Variants in FBXL2 observed in about 807,000 individuals in gnomAD.
The protein encoded by FBXL2 is F-box and leucine rich repeat protein 2.
In FBXL2, 38 loss-of-function variants were observed where a neutral mutation model predicts 69.2. The ratio of observed to expected loss-of-function variants is 0.55; its 90% CI spans 0.42 to 0.72. The LOEUF (loss-of-function observed/expected upper bound fraction) is 0.72, where lower values mean the gene tolerates loss of function less well. FBXL2 is among the 30% of genes least tolerant of loss of function. The pLI is 0.00. For synonymous variants in FBXL2, 192 were observed against 201.3 expected, an observed-to-expected ratio of 0.95 and a Z score of 0.39; for missense variants, 354 against 520.3, an observed-to-expected ratio of 0.68 and a Z score of 3.11.
At chr3:33,292,987 T>C (rs75266871) in intron 1 of FBXL2, among the ~76,000 whole-genome samples, 15,113 of 152,228 alleles carry the variant, frequency 0.099, 776 homozygotes, top group African/African-American at 0.12. Context: ...CACAAATATA[T>C]GCAGCAAAGT....
downstream of FBXL2, chr3:33,389,525 T>C (rs112244619): frequency 0.014 from 2,124 of 150,954 alleles, 20 homozygotes; most frequent in South Asian, 0.027. Context: ...GGGAAGAAAA[T>C]GAGAGAAAAA....
intron 5 of FBXL2, among the ~76,000 whole-genome samples, chr3:33,368,444 G>T (rs565749541): frequency 6.6e-6 from 1 of 152,166 alleles, no homozygotes; most frequent in Non-Finnish European, 1.5e-5. Flanking sequence ...TTTTATTCCT[G>T]ATAGTTTTCT....
chr3:33,374,058 A>G, intron 9 of FBXL2, 137 bp downstream of exon 9: 1 of 705,862 alleles, frequency 1.4e-6, no homozygotes, highest in East Asian at 2.6e-5. Context: ...CTGTGTCCTT[A>G]TATAACCTAC....
chr3:33,292,665 T>C (rs1332805348), intron 1 of FBXL2, among the ~76,000 whole-genome samples: 1 of 152,122 alleles, frequency 6.6e-6, no homozygotes, highest in African/African-American at 2.4e-5. Context: ...TCCCTCCTTA[T>C]TAGTAATTAC....
chr3:33,311,768 G>A (rs10212463), intron 2 of FBXL2, among the ~76,000 whole-genome samples: 1,825 of 152,072 alleles, frequency 0.012, 32 homozygotes, highest in African/African-American at 0.042. Flanking sequence ...GGGACTACAG[G>A]CGCATGCCAC....
At chr3:33,325,744 A>G (rs1379928822) in intron 2 of FBXL2, among the ~76,000 whole-genome samples, 1 of 152,224 alleles carries the variant, frequency 6.6e-6, no homozygotes, top group East Asian at 1.9e-4. Context: ...AAATTTAATC[A>G]GAAGTTAATT....
chr3:33,335,175 A>G (rs2039482059), intron 2 of FBXL2, among the ~76,000 whole-genome samples: 2 of 151,998 alleles, frequency 1.3e-5, no homozygotes, highest in African/African-American at 4.8e-5. Flanking sequence ...AATTATATAT[A>G]TATTCAAAAT....
intron 5 of FBXL2, among the ~76,000 whole-genome samples, chr3:33,371,555 T>C (rs1385253813): frequency 6.6e-6 from 1 of 152,150 alleles, no homozygotes; most frequent in East Asian, 1.9e-4. Flanking sequence ...TTCATAGAAA[T>C]ATATTCTAGG....
intron 13 of FBXL2, among the ~76,000 whole-genome samples, chr3:33,381,103 G>A (rs1388595481): frequency 4.6e-5 from 7 of 152,106 alleles, no homozygotes; most frequent in Non-Finnish European, 1.0e-4. Context: ...AACAGGTCAA[G>A]CACCCTCTGA....
intron 2 of FBXL2, among the ~76,000 whole-genome samples, chr3:33,341,272 A>G (rs1336522997): frequency 1.3e-5 from 2 of 152,208 alleles, no homozygotes; most frequent in East Asian, 1.9e-4. Context: ...CAACATTAAC[A>G]TGGGTACAAT....
At chr3:33,420,110 C>T in the FBXL2 span, among the ~76,000 whole-genome samples, 6 of 152,294 alleles carry the variant, frequency 3.9e-5, 1 homozygote, top group African/African-American at 1.4e-4. Context: ...CAAGATGTGA[C>T]AGCCCCCACT....
chr3:33,411,733 C>T, the FBXL2 span: 15 of 1,458,276 alleles, frequency 1.0e-5, no homozygotes, highest in Non-Finnish European at 1.3e-5. Flanking sequence ...CTTTAAATAA[C>T]TTAAAAAACT....
chr3:33,410,062 C>T, the FBXL2 span, among the ~76,000 whole-genome samples: 1 of 152,200 alleles, frequency 6.6e-6, no homozygotes, highest in Admixed American at 6.5e-5. Flanking sequence ...GCTGTTCCTA[C>T]AGATGCCAAT....
At chr3:33,399,627 T>C (rs1249889942) in intron 12 of FBXL2, among the ~76,000 whole-genome samples, 2 of 152,174 alleles carry the variant, frequency 1.3e-5, no homozygotes, top group Non-Finnish European at 2.9e-5. Context: ...TGTAAAGTGG[T>C]TGCCAAGGAC....
At position 33,340,395 on chromosome 3, in the gene FBXL2, T is replaced by C. The variant is rs536029632; in HGVS notation, c.66-18572T>C. ...ATATTATGGTCTTGAAATATTATTT[T>C]CCACAAAAAGAAACCAGGGCTTGGA... is the stretch of plus-strand genomic sequence containing the variant. On this transcript the variant is annotated intron_variant, in intron 2 of 14. Coordinates refer to ENST00000484457, the MANE Select transcript of FBXL2 (RefSeq NM_012157.5). Among the ~76,000 whole-genome samples, 6 of 151,962 alleles carry C rather than the reference T, an allele frequency of 3.9e-5. No homozygotes were observed. The South Asian group carries it at 1.3e-3, about 32-fold the overall frequency.
At chr3:33,419,571 T>C in the FBXL2 span, among the ~76,000 whole-genome samples, 1 of 145,980 alleles carries the variant, frequency 6.9e-6, no homozygotes. Flanking sequence ...GAGGTTGCGG[T>C]GAGCCGAGAT....
At chr3:33,373,555 G>C (rs368811053) in intron 7 of FBXL2, 23 bp from the exon 8 acceptor site, 7 of 1,613,982 alleles carry the variant, frequency 4.3e-6, no homozygotes, top group Non-Finnish European at 2.5e-6. Flanking sequence ...CTGCACATAA[G>C]TTTTTGTTTC....
downstream of FBXL2, chr3:33,390,329 C>T (rs371593680): frequency 3.7e-6 from 6 of 1,613,878 alleles, no homozygotes; most frequent in African/African-American, 8.0e-5. Flanking sequence ...CTATATAAGA[C>T]ATCACTTCAA....
At chr3:33,313,283 G>A (rs1351778087) in intron 2 of FBXL2, among the ~76,000 whole-genome samples, 1 of 150,948 alleles carries the variant, frequency 6.6e-6, no homozygotes, top group African/African-American at 2.4e-5. Flanking sequence ...ACTCCATCAA[G>A]TCCTGGTAAA....
Sources: gnomAD v4.1 joint callset for allele counts (sites outside exome capture counted in the v4.1 genomes callset) on GRCh38, gnomAD v4.1.1 for gene constraint, MANE v1.5 for transcripts, NCBI Gene and HGNC (gene_info 2026-07-23, HGNC 2026-07-21) for gene names.